Variants in NPSR1 observed in about 807,000 individuals in gnomAD.
NPSR1 encodes the protein neuropeptide S receptor 1.
In NPSR1, 48 loss-of-function variants were observed where a neutral mutation model predicts 46.9. The ratio of observed to expected loss-of-function variants is 1.02; its 90% CI spans 0.81 to 1.30. The LOEUF (loss-of-function observed/expected upper bound fraction) is 1.30, where lower values mean the gene tolerates loss of function less well. NPSR1 is among the 50% of genes most tolerant of loss of function. NPSR1 has a pLI of 0.00. For missense variants in NPSR1, 450 were observed against 449.5 expected (o/e 1.00, Z -0.01); for synonymous variants, 176 against 168.1 (o/e 1.05, Z -0.36).
chr7:34,806,132 A>G (rs1485423239), intron 3 of NPSR1, among the ~76,000 whole-genome samples: 1 of 152,104 alleles, frequency 6.6e-6, no homozygotes, highest in Non-Finnish European at 1.5e-5. Context: ...AGTTTCTTAC[A>G]AAACTAAGCA....
intron 2 of NPSR1, among the ~76,000 whole-genome samples, chr7:34,767,378 C>T (rs2128731649): frequency 6.6e-6 from 1 of 152,150 alleles, no homozygotes; most frequent in East Asian, 1.9e-4. Context: ...AAAAAGTGGA[C>T]AACATAGATG....
intron 2 of NPSR1, among the ~76,000 whole-genome samples, chr7:34,698,321 T>G (rs1358531993): frequency 6.6e-6 from 1 of 152,170 alleles, no homozygotes; most frequent in Non-Finnish European, 1.5e-5. Context: ...ATGTGTTTTA[T>G]TTCAATACAA....
chr7:34,859,966 C>T (rs1168780585), intron 8 of NPSR1, among the ~76,000 whole-genome samples: 4 of 151,920 alleles, frequency 2.6e-5, no homozygotes, highest in Admixed American at 6.5e-5. Context: ...CCAACTGGAA[C>T]ACGAATGTTA....
At position 34,849,822 on chromosome 7, in the gene NPSR1, T is replaced by C. The variant is rs535235281; in HGVS notation, c.*167T>C. 22 of 1,406,040 alleles carry C rather than the reference T, an allele frequency of 1.6e-5. No individual in the cohort carries two copies. In the South Asian group the frequency reaches 3.3e-4, roughly 21 times the overall value. The allele number at this position is 1,406,040 out of a possible 1,614,324, so 87.1% of individuals were successfully genotyped here. A position where few individuals can be genotyped will look rare whatever the true frequency, so the allele number is the denominator to read the frequency against. ...AATGACTGCATGCACTGCTTAAGTA[T>C]TGGCCAACACGAACTCCCCAGTTAT... On this transcript the variant is annotated 3_prime_UTR_variant, in exon 9 of 9. Transcript: ENST00000360581.
chr7:34,789,554 A>C (rs947171795), intron 3 of NPSR1, among the ~76,000 whole-genome samples: 1 of 151,898 alleles, frequency 6.6e-6, no homozygotes, highest in East Asian at 1.9e-4. Flanking sequence ...GCACTTCGGG[A>C]GGCTGAGGCA....
rs781560805 is a variant in NPSR1, at chr7:34,664,616, TAAA to T, written c.147+6067_147+6069del. ...ATTAAGCTGTTTCTTTTCTTTTTTT[TAAA>T]AAAAAAAAATGAGACCATGAAAATG... On this transcript the variant is annotated intron_variant, in intron 1 of 8. Transcript: ENST00000360581. Among the ~76,000 whole-genome samples, 422 of 145,078 alleles carry T rather than the reference TAAA, an allele frequency of 2.9e-3. 2 individuals are homozygous for T. Among genetic ancestry groups the T allele is most frequent in the African/African-American group, 1.0e-2 (394 of 39,404 alleles).
intron 3 of NPSR1, 111 bp downstream of exon 3, chr7:34,778,676 G>A (rs979669647): frequency 5.9e-5 from 37 of 626,982 alleles, no homozygotes; most frequent in African/African-American, 7.6e-5. Flanking sequence ...CAAACTGCCC[G>A]CTTTCTCCTG....
intron 3 of NPSR1, among the ~76,000 whole-genome samples, chr7:34,803,013 TG>T (rs1584056179): frequency 1.3e-5 from 2 of 150,092 alleles, no homozygotes; most frequent in Admixed American, 1.3e-4. Flanking sequence ...AAAACCACAA[TG>T]AGCTACCATC....
intron 8 of NPSR1, among the ~76,000 whole-genome samples, chr7:34,863,156 G>T (rs1791228067): frequency 6.6e-6 from 1 of 151,822 alleles, no homozygotes; most frequent in Non-Finnish European, 1.5e-5. Context: ...AATAAATTGT[G>T]TTGGGGAAAT....
intron 2 of NPSR1, among the ~76,000 whole-genome samples, chr7:34,732,901 G>A (rs1197433902): frequency 2.0e-5 from 3 of 152,180 alleles, no homozygotes; most frequent in African/African-American, 7.2e-5. Flanking sequence ...GAAATTGGTA[G>A]TTCTTGGACA....
chr7:34,835,063 G>T (rs1790303734), intron 6 of NPSR1, among the ~76,000 whole-genome samples: 1 of 152,206 alleles, frequency 6.6e-6, no homozygotes, highest in Non-Finnish European at 1.5e-5. Context: ...AGCCCTGGAA[G>T]CCTACCCTGC....
chr7:34,693,657 G>C (rs539655832), intron 2 of NPSR1, among the ~76,000 whole-genome samples: 3 of 152,024 alleles, frequency 2.0e-5, no homozygotes, highest in Non-Finnish European at 4.4e-5. Flanking sequence ...GTATCACCCT[G>C]ATACCAAAAT....
intron 2 of NPSR1, among the ~76,000 whole-genome samples, chr7:34,698,745 A>AT (rs1469913334): frequency 6.6e-6 from 1 of 152,198 alleles, no homozygotes; most frequent in Non-Finnish European, 1.5e-5. Flanking sequence ...GGAGGTTAAC[A>AT]TTTACAATGG....
chr7:34,773,332 A>G (rs753769634), intron 2 of NPSR1, among the ~76,000 whole-genome samples: 28 of 152,154 alleles, frequency 1.8e-4, no homozygotes, highest in Non-Finnish European at 3.2e-4. Flanking sequence ...TGAAGTATGT[A>G]ATACAAACAG....
intron 3 of NPSR1, among the ~76,000 whole-genome samples, chr7:34,803,010 C>A (rs1788496347): frequency 1.3e-5 from 2 of 150,338 alleles, no homozygotes; most frequent in African/African-American, 5.0e-5. Flanking sequence ...ATCAAAACCA[C>A]AATGAGCTAC....
intron 2 of NPSR1, among the ~76,000 whole-genome samples, chr7:34,747,670 G>C (rs532569994): frequency 6.6e-6 from 1 of 152,240 alleles, no homozygotes; most frequent in East Asian, 1.9e-4. Flanking sequence ...GCATGTGACT[G>C]GATACCGCAT....
intron 3 of NPSR1, among the ~76,000 whole-genome samples, chr7:34,806,027 T>C (rs781276925): frequency 1.8e-4 from 27 of 151,796 alleles, no homozygotes; most frequent in Non-Finnish European, 2.9e-4. Flanking sequence ...AAACTGAAAA[T>C]ACCAATGGCT....
At chr7:34,659,117 G>A (rs1048703102) in intron 1 of NPSR1, among the ~76,000 whole-genome samples, 1 of 152,120 alleles carries the variant, frequency 6.6e-6, no homozygotes, top group Admixed American at 6.6e-5. Flanking sequence ...TTACCTCCTA[G>A]AACAAATGAA....
chr7:34,794,420 T>C (rs1008637292), intron 3 of NPSR1, among the ~76,000 whole-genome samples: 1 of 152,114 alleles, frequency 6.6e-6, no homozygotes, highest in African/African-American at 2.4e-5. Flanking sequence ...AACAATCTTA[T>C]CTCACAGATT....
Sources: gnomAD v4.1 joint callset for allele counts (sites outside exome capture counted in the v4.1 genomes callset) on GRCh38, gnomAD v4.1.1 for gene constraint, MANE v1.5 for transcripts, NCBI Gene and HGNC (gene_info 2026-07-23, HGNC 2026-07-21) for gene names.